ZMAT4: variants seen among roughly 807,000 people sequenced by gnomAD.
ZMAT4 encodes zinc finger matrin-type protein 4.
A neutral mutation model predicts 28.7 loss-of-function variants in ZMAT4; 17 were observed. That is an observed-to-expected ratio of 0.59 (90% CI 0.41 to 0.89). ZMAT4 has a LOEUF of 0.89. Ranked by LOEUF, ZMAT4 falls within the 40% of genes least tolerant of loss-of-function variation. The probability of loss-of-function intolerance (pLI) is 0.00; values close to 1 mark genes in which losing one functional copy is unlikely to be tolerated. For synonymous variants in ZMAT4, 117 were observed against 109.2 expected (o/e 1.07, Z -0.44); for missense variants, 240 against 283.8 (o/e 0.85, Z 1.11).
At chr8:40,584,193 A>T (rs559238493) in intron 5 of ZMAT4, among the ~76,000 whole-genome samples, 1 of 152,314 alleles carries the variant, frequency 6.6e-6, no homozygotes, top group Non-Finnish European at 1.5e-5. Flanking sequence ...CCAGTCAAGC[A>T]GTATCCATGC....
intron 5 of ZMAT4, among the ~76,000 whole-genome samples, chr8:40,608,129 T>C (rs1240537755): frequency 6.6e-6 from 1 of 152,098 alleles, no homozygotes; most frequent in Non-Finnish European, 1.5e-5. Flanking sequence ...GGCAGGGCCA[T>C]GAAGTTCCCA....
At chr8:40,624,223 G>A (rs183878481) in intron 5 of ZMAT4, among the ~76,000 whole-genome samples, 14 of 152,300 alleles carry the variant, frequency 9.2e-5, no homozygotes, top group Admixed American at 5.9e-4. Flanking sequence ...AGCTTCAATC[G>A]GATAGAAATG....
intron 4 of ZMAT4, among the ~76,000 whole-genome samples, chr8:40,688,778 C>T (rs1454772734): frequency 1.3e-5 from 2 of 152,148 alleles, no homozygotes; most frequent in Admixed American, 1.3e-4. Flanking sequence ...AGCAGAGTAA[C>T]CTATCGAGAA....
intron 4 of ZMAT4, among the ~76,000 whole-genome samples, chr8:40,695,768 ATTTTTTTTTTTTTTTTTTTTTTTTT>A (rs756360990): frequency 1.7e-5 from 1 of 58,468 alleles, no homozygotes; most frequent in Non-Finnish European, 3.1e-5. Context: ...CCATGTGGCA[ATTTTTTTTTTTTTTTTTTTTTTTTT>A]TTTTTTTTTT....
At chr8:40,673,948 C>T (rs764534416) in intron 5 of ZMAT4, among the ~76,000 whole-genome samples, 7 of 152,014 alleles carry the variant, frequency 4.6e-5, no homozygotes, top group Non-Finnish European at 8.8e-5. Flanking sequence ...CGTGATTTCC[C>T]GGAGATTTTA....
At chr8:40,575,658 G>C (rs1804240055) in intron 6 of ZMAT4, among the ~76,000 whole-genome samples, 1 of 151,644 alleles carries the variant, frequency 6.6e-6, no homozygotes, top group South Asian at 2.1e-4. Context: ...CCATCTACAG[G>C]AAAAAGTCTT....
At chr8:40,721,737 G>A (rs1347414360) in intron 3 of ZMAT4, among the ~76,000 whole-genome samples, 1 of 151,874 alleles carries the variant, frequency 6.6e-6, no homozygotes, top group Non-Finnish European at 1.5e-5. Flanking sequence ...CAGTGATGAT[G>A]AGCATTTTTT....
At chr8:40,568,279 C>A (rs2565109) in intron 6 of ZMAT4, among the ~76,000 whole-genome samples, 1 of 152,108 alleles carries the variant, frequency 6.6e-6, no homozygotes, top group Admixed American at 6.5e-5. Context: ...GAGCATTCAG[C>A]AAACATTTCT....
chr8:40,836,679 G>T (rs1329350429), intron 1 of ZMAT4, among the ~76,000 whole-genome samples: 1 of 151,882 alleles, frequency 6.6e-6, no homozygotes, highest in Non-Finnish European at 1.5e-5. Flanking sequence ...TAGACATCTT[G>T]GGCATACATG....
intron 1 of ZMAT4, among the ~76,000 whole-genome samples, chr8:40,861,499 A>C (rs963507105): frequency 3.3e-5 from 5 of 152,250 alleles, no homozygotes; most frequent in African/African-American, 1.2e-4. Context: ...AGTACCATTC[A>C]GGACATAGGC....
At chr8:40,664,468 T>C (rs1808322193) in intron 5 of ZMAT4, among the ~76,000 whole-genome samples, 1 of 152,220 alleles carries the variant, frequency 6.6e-6, no homozygotes, top group Non-Finnish European at 1.5e-5. Context: ...ATAATTTCCA[T>C]TATGCTTCCA....
intron 6 of ZMAT4, among the ~76,000 whole-genome samples, chr8:40,543,033 C>G (rs931750931): frequency 6.6e-6 from 1 of 152,172 alleles, no homozygotes; most frequent in Non-Finnish European, 1.5e-5. Flanking sequence ...TCAGTCCTGT[C>G]TAAAATGAAC....
intron 5 of ZMAT4, among the ~76,000 whole-genome samples, chr8:40,592,510 A>C (rs10808940): frequency 0.25 from 37,792 of 152,184 alleles, 5,612 homozygotes; most frequent in Non-Finnish European, 0.34. Context: ...TAAAACAATT[A>C]TTTCTCTATT....
At chr8:40,882,149 T>G (rs954997224) in intron 1 of ZMAT4, among the ~76,000 whole-genome samples, 14 of 152,270 alleles carry the variant, frequency 9.2e-5, no homozygotes, top group African/African-American at 3.4e-4. Flanking sequence ...GCCTCGGAGC[T>G]CATTCTGCAA....
intron 5 of ZMAT4, among the ~76,000 whole-genome samples, chr8:40,586,445 A>G (rs573963704): frequency 6.6e-6 from 1 of 152,338 alleles, no homozygotes; most frequent in African/African-American, 2.4e-5. Flanking sequence ...AAACAGATAT[A>G]GAAGTAGCAA....
At chr8:40,836,393 C>G (rs1816490683) in intron 1 of ZMAT4, among the ~76,000 whole-genome samples, 1 of 152,186 alleles carries the variant, frequency 6.6e-6, no homozygotes, top group African/African-American at 2.4e-5. Context: ...AACCCAGCAA[C>G]TGCACTCCTA....
At position 40,729,597 on chromosome 8, in the gene ZMAT4, C is replaced by CT. The variant is rs71546305; in HGVS notation, c.193-32197dup. ...TCTTTGTATACTTCTTTCTTTCTTT[C>CT]TTTTTTTTTTTTTTTTGAGAAGGAG... On this transcript the variant is annotated intron_variant, in intron 3 of 6. Coordinates refer to ENST00000297737, the MANE Select transcript of ZMAT4 (RefSeq NM_024645.3). Among the ~76,000 whole-genome samples, 560 of 142,460 alleles carry CT rather than the reference C, an allele frequency of 3.9e-3. 2 individuals are homozygous for CT. The highest frequency in any genetic ancestry group is 0.015 in the African/African-American group (533 of 36,704). The allele number at this position is 142,460 out of a possible 152,430, so 93.5% of individuals were successfully genotyped here. A position where few individuals can be genotyped will look rare whatever the true frequency, so the allele number is the denominator to read the frequency against.
chr8:40,710,317 TATC>T (rs1226744280), intron 3 of ZMAT4, among the ~76,000 whole-genome samples: 1 of 152,186 alleles, frequency 6.6e-6, no homozygotes, highest in Non-Finnish European at 1.5e-5. Flanking sequence ...GGATAAAGTA[TATC>T]AATAATTATG....
At chr8:40,604,759 C>A (rs1805521797) in intron 5 of ZMAT4, among the ~76,000 whole-genome samples, 1 of 152,140 alleles carries the variant, frequency 6.6e-6, no homozygotes, top group African/African-American at 2.4e-5. Context: ...AAAGGATTTC[C>A]TCCTTCTCTA....
Sources: gnomAD v4.1 joint callset for allele counts (sites outside exome capture counted in the v4.1 genomes callset) on GRCh38, gnomAD v4.1.1 for gene constraint, MANE v1.5 for transcripts, NCBI Gene and HGNC (gene_info 2026-07-23, HGNC 2026-07-21) for gene names.